Variants in DMTF1 observed in about 807,000 individuals in gnomAD.
DMTF1 encodes cyclin D binding myb like transcription factor 1, also known as cyclin-D-binding Myb-like transcription factor 1.
In DMTF1, 39 loss-of-function variants were observed where a neutral mutation model predicts 91.1. The observed-to-expected ratio is 0.43, with a 90% CI of 0.33 to 0.56. The LOEUF is 0.56. Among genes scored for constraint, DMTF1 ranks in the 20% least tolerant of loss-of-function variants. DMTF1 has a pLI of 0.05. For synonymous variants in DMTF1, 338 were observed against 309.5 expected (o/e 1.09, Z -0.97); for missense variants, 750 against 914.5 (o/e 0.82, Z 2.32).
At chr7:87,162,497 G>A (rs1008235622) in intron 1 of DMTF1, among the ~76,000 whole-genome samples, 13 of 152,308 alleles carry the variant, frequency 8.5e-5, no homozygotes, top group Non-Finnish European at 1.2e-4. Flanking sequence ...CATACACCGG[G>A]AGATGAGATT....
chr7:87,184,641 C>T lies in DMTF1; in HGVS notation c.1049+16C>T. 1 of 1,603,858 alleles carries T rather than the reference C, an allele frequency of 6.2e-7. No individual in the cohort carries two copies. The highest frequency in any genetic ancestry group is 8.5e-7 in the Non-Finnish European group (1 of 1,171,368). ...TCATCCTCAGGTTTGTGTCCTGAAT[C>T]TTGTAATGACAAAAGCAACTTAATT... On this transcript the variant is annotated intron_variant, in intron 11 of 17. Transcript: ENST00000331242.
In DMTF1 at chr7:87,183,083, C is replaced by G. The variant is rs546197120; in HGVS notation, c.820+746C>G. ...GATCCACAATCCATGCCCACTGTTG[C>G]AATTAAAAAAAAAATTTCTGAAGTT... On this transcript the variant is annotated intron_variant, in intron 10 of 17. Transcript: ENST00000331242. Among the ~76,000 whole-genome samples the G allele has an allele frequency of 9.2e-5, 14 of 152,008 alleles. No individual in the cohort carries two copies. The South Asian group carries it at 1.0e-3, about 11-fold the overall frequency.
At position 87,166,475 on chromosome 7, in the gene DMTF1, T is replaced by G. The variant is rs1219091995; in HGVS notation, c.110-8T>G. 3.1e-6 allele frequency: 5 copies of G among 1,600,802 alleles called. No homozygotes were observed. The Admixed American group carries it at 7.1e-5, about 23-fold the overall frequency. ...TGAAATTTTTGTTTGTTTGTTTTCT[T>G]CCATTAGAAGCGGATGAAATAGACT... is the stretch of plus-strand genomic sequence containing the variant. On this transcript the variant is annotated splice_polypyrimidine_tract_variant and splice_region_variant and intron_variant, in intron 3 of 17. Coordinates refer to ENST00000331242, the MANE Select transcript of DMTF1 (RefSeq NM_001142327.2).
intron 4 of DMTF1, among the ~76,000 whole-genome samples, chr7:87,169,093 C>A (rs1794501048): frequency 6.6e-6 from 1 of 152,284 alleles, no homozygotes; most frequent in East Asian, 1.9e-4. Context: ...TTTGTTTCTT[C>A]TGTATCACCA....
At chr7:87,177,585 G>C (rs1195429087) in intron 7 of DMTF1, among the ~76,000 whole-genome samples, 1 of 152,074 alleles carries the variant, frequency 6.6e-6, no homozygotes, top group Non-Finnish European at 1.5e-5. Context: ...GATGAGAAAA[G>C]ATTTTTAACT....
chr7:87,164,598 A>G (rs1003031091), intron 2 of DMTF1, among the ~76,000 whole-genome samples: 3 of 152,250 alleles, frequency 2.0e-5, no homozygotes, highest in Non-Finnish European at 2.9e-5. Context: ...AAAGCTGTCC[A>G]TAAAAACACA....
chr7:87,183,832 T>C (rs943307645), intron 10 of DMTF1, among the ~76,000 whole-genome samples: 56 of 152,344 alleles, frequency 3.7e-4, no homozygotes, highest in Middle Eastern at 3.4e-3. Context: ...AAGTAAATAC[T>C]TGTATCAGAC....
At chr7:87,162,483 C>T (rs1288380520) in intron 1 of DMTF1, among the ~76,000 whole-genome samples, 1 of 152,170 alleles carries the variant, frequency 6.6e-6, no homozygotes, top group Non-Finnish European at 1.5e-5. Context: ...TAATCACAGA[C>T]ACACATACAC....
At chr7:87,191,116 T>G in intron 14 of DMTF1, 89 bp downstream of exon 14, 1 of 862,132 alleles carries the variant, frequency 1.2e-6, no homozygotes, top group Non-Finnish European at 1.8e-6. Flanking sequence ...TTATGATTCA[T>G]AAAAGTCTGA....
At chr7:87,173,496 T>C (rs1298176095) in intron 5 of DMTF1, 39 bp from the exon 6 acceptor site, 3 of 1,393,576 alleles carry the variant, frequency 2.2e-6, no homozygotes, top group Non-Finnish European at 3.0e-6. Context: ...TTTTTTTGTT[T>C]TGTTTTGTTT....
chr7:87,194,139 G>T (rs770033068), intron 16 of DMTF1, 37 bp downstream of exon 16: 42 of 1,516,400 alleles, frequency 2.8e-5, no homozygotes, highest in Middle Eastern at 3.6e-4. Context: ...ATGGATTCTT[G>T]CCTTGAGCCT....
chr7:87,176,088 T>C (rs1796200114), intron 7 of DMTF1, among the ~76,000 whole-genome samples: 1 of 152,222 alleles, frequency 6.6e-6, no homozygotes, highest in Admixed American at 6.5e-5. Context: ...GTTTGGTATA[T>C]TGACTGCTTA....
chr7:87,191,057 T>A, intron 14 of DMTF1, 30 bp downstream of exon 14: 1 of 1,381,292 alleles, frequency 7.2e-7, no homozygotes, highest in Non-Finnish European at 1.0e-6. Context: ...TATTGGCCAT[T>A]TTTATGCATG....
Position 87,193,330 on chromosome 7 carries a change from C to G in DMTF1, c.1627C>G (p.Gln543Glu). The stretch of plus-strand genomic sequence containing the variant: ...AGCTGCTGCTCCTGCTTCTCCTGAA[C>G]AGATTATTGTTCATGCTTTATCCGT... ...LTAAAPASPE[Q>E]IIVHALSPEH... Residue 543 changes from glutamine (Q) to glutamate (E), a missense_variant, in exon 15 of 18, where the codon CAG becomes GAG. Gln to Glu is a conservative substitution (Grantham distance 29, BLOSUM62 2). Transcript: ENST00000331242. 1 of 1,613,310 alleles carries G rather than the reference C, an allele frequency of 6.2e-7. No individual in the cohort carries two copies. Among genetic ancestry groups the G allele is most frequent in the South Asian group, 1.1e-5 (1 of 91,056 alleles).
intron 12 of DMTF1, chr7:87,187,719 C>T (rs749784025): frequency 7.8e-5 from 18 of 232,226 alleles, no homozygotes; most frequent in Non-Finnish European, 1.3e-4. Flanking sequence ...GGAAAACATA[C>T]ACTATTCGTT....
chr7:87,182,829 G>GA (rs1234983866), intron 10 of DMTF1, among the ~76,000 whole-genome samples: 2 of 152,124 alleles, frequency 1.3e-5, no homozygotes, highest in East Asian at 3.8e-4. Context: ...TTTTTCCATA[G>GA]AAAAAATTTA....
chr7:87,153,962 GCTTT>G (rs1562761493), intron 1 of DMTF1, among the ~76,000 whole-genome samples: 1 of 152,034 alleles, frequency 6.6e-6, no homozygotes, highest in African/African-American at 2.4e-5. Flanking sequence ...ATTTCAAATA[GCTTT>G]CTGAGGATTA....
intron 1 of DMTF1, chr7:87,155,401 A>G (rs1790416204): frequency 6.6e-6 from 1 of 151,972 alleles, no homozygotes; most frequent in Admixed American, 6.5e-5. Context: ...TATTTTTCCT[A>G]TATGAAAGGA....
At chr7:87,154,809 G>A (rs1790252370) in intron 1 of DMTF1, among the ~76,000 whole-genome samples, 1 of 151,836 alleles carries the variant, frequency 6.6e-6, no homozygotes, top group African/African-American at 2.4e-5. Context: ...ACACCCCAGG[G>A]GTGCTTTAAA....
Sources: gnomAD v4.1 joint callset for allele counts (sites outside exome capture counted in the v4.1 genomes callset) on GRCh38, gnomAD v4.1.1 for gene constraint, MANE v1.5 for transcripts, NCBI Gene and HGNC (gene_info 2026-07-23, HGNC 2026-07-21) for gene names.